STRIP1: variants seen among roughly 807,000 people sequenced by gnomAD.
STRIP1 encodes the protein striatin-interacting protein 1.
In STRIP1, 63 loss-of-function variants were observed where a neutral mutation model predicts 106.2. That is an observed-to-expected ratio of 0.59 (90% CI 0.48 to 0.73). The LOEUF is 0.73. STRIP1 is among the 30% of genes least tolerant of loss of function. The pLI, the probability that STRIP1 is intolerant of heterozygous loss-of-function variation, is 0.00. For synonymous variants in STRIP1, 390 were observed against 413.0 expected (o/e 0.94, Z 0.67); for missense variants, 857 against 1,074.8 (o/e 0.80, Z 2.83).
At chr1:110,043,588 TG>T in intron 9 of STRIP1, 50 bp from the exon 10 acceptor site, 1 of 1,517,080 alleles carries the variant, frequency 6.6e-7, no homozygotes, top group Non-Finnish European at 9.1e-7. Flanking sequence ...TGCACTTCCC[TG>T]GTCTGCGTCC....
chr1:110,039,074 T>C, intron 3 of STRIP1, 98 bp from the exon 4 acceptor site: 2 of 1,388,790 alleles, frequency 1.4e-6, no homozygotes, highest in Non-Finnish European at 2.0e-6. Flanking sequence ...CTTATCTTTC[T>C]GGTCCTATGG....
chr1:110,045,304 A>G (rs986470962), intron 12 of STRIP1: 5 of 499,978 alleles, frequency 1.0e-5, no homozygotes, highest in Non-Finnish European at 1.8e-5. Context: ...CTGACTGGGA[A>G]GTCTTTAAAG....
chr1:110,037,994 G>GT, intron 2 of STRIP1, 34 bp downstream of exon 2: 1 of 1,450,650 alleles, frequency 6.9e-7, no homozygotes, highest in Non-Finnish European at 9.6e-7. Context: ...TTTGGGGGTG[G>GT]TTTTTTCCTT....
In STRIP1 at chr1:110,043,667, C is replaced by A; in HGVS notation, c.1097C>A (p.Ala366Asp). ...KALIKQDNLDAFNERDPYKAD... is the reference protein window; with the variant it reads ...KALIKQDNLDDFNERDPYKAD... ...CTGATAAAGCAGGACAACCTAGATG[C>A]CTTCAACGAGCGGGATCCCTACAAG... Residue 366 changes from alanine (A) to aspartate (D), a missense_variant, in exon 10 of 21, where the codon GCC becomes GAC. By Grantham distance (126) the Ala-to-Asp change is moderately radical. Coordinates refer to ENST00000369795, the MANE Select transcript of STRIP1 (RefSeq NM_033088.4). The A allele has an allele frequency of 6.2e-7, 1 of 1,613,988 alleles. No individual in the cohort carries two copies. Among genetic ancestry groups the A allele is most frequent in the East Asian group, 2.2e-5 (1 of 44,892 alleles).
chr1:110,034,240 T>C (rs982651343), upstream of STRIP1, among the ~76,000 whole-genome samples: 6 of 152,202 alleles, frequency 3.9e-5, 1 homozygote, highest in East Asian at 9.6e-4. Flanking sequence ...AATGAATGAA[T>C]GACAAGCACT....
rs1308469751 is a variant in STRIP1, at chr1:110,039,555, G to A, written c.581+40G>A. 11 of 1,569,552 alleles carry A rather than the reference G, an allele frequency of 7.0e-6. No homozygotes were observed. In the South Asian group the frequency reaches 1.1e-4, roughly 15 times the overall value. Reference sequence around the variant, plus strand: ...GAGGCTGAGTAGGGAAGGGGAGGCTGGGATGGGAAGGGGGACAGAGCTTGC... The same window carrying A: ...GAGGCTGAGTAGGGAAGGGGAGGCTAGGATGGGAAGGGGGACAGAGCTTGC... On this transcript the variant is annotated intron_variant, in intron 5 of 20. Transcript: ENST00000369795.
rs769394430 is a variant in STRIP1 at position 110,041,583 on chromosome 1, A to G, written c.698A>G (p.Glu233Gly). 8.7e-6 allele frequency: 14 copies of G among 1,614,054 alleles called. No individual in the cohort carries two copies. In the East Asian group the frequency reaches 3.1e-4, roughly 36 times the overall value. ...MYLIVETVHQ[E>G]CEGDKAEWRT... ...CTGATAGTGGAGACCGTTCATCAGG[A>G]GTGTGAGGGTGACAAGGCTGAGTGG... Residue 233 changes from glutamate to glycine, a missense_variant, in exon 7 of 21, where the codon GAG (glutamate) becomes GGG (glycine). Around this residue, in one of 2 missense-constraint regions of STRIP1, gnomAD observed 750 missense variants for 989.8 expected, o/e 0.76. Transcript: ENST00000369795.
chr1:110,049,426 C>CTTT (rs529172763), intron 16 of STRIP1, 34 bp from the exon 17 acceptor site: 296 of 1,319,700 alleles, frequency 2.2e-4, no homozygotes, highest in South Asian at 5.6e-4. Context: ...AGGGCCGCGC[C>CTTT]TTTTTTTTTT....
chr1:110,036,682 T>A (rs1365099724), intron 1 of STRIP1, among the ~76,000 whole-genome samples: 1 of 152,202 alleles, frequency 6.6e-6, no homozygotes, highest in Non-Finnish European at 1.5e-5. Context: ...TAATTTTGAT[T>A]AGTCCTTAAA....
At chr1:110,047,097 C>T (rs966237324) in intron 13 of STRIP1, among the ~76,000 whole-genome samples, 3 of 152,126 alleles carry the variant, frequency 2.0e-5, no homozygotes, top group Non-Finnish European at 4.4e-5. Flanking sequence ...CCCAGCTCTT[C>T]CCAGGCATTG....
chr1:110,048,994 G>C (rs1653161419), intron 15 of STRIP1, 118 bp from the exon 16 acceptor site: 4 of 1,197,624 alleles, frequency 3.3e-6, no homozygotes, highest in African/African-American at 1.5e-5. Flanking sequence ...TGTCCTTGGG[G>C]TGAGTGGGGA....
rs567196819 is a variant in STRIP1, at chr1:110,041,494, C to G, written c.651-42C>G. 3.0e-5 allele frequency: 44 copies of G among 1,464,574 alleles called. No homozygotes were observed. In the South Asian group the frequency reaches 4.7e-4, roughly 16 times the overall value. 90.7% of individuals were successfully genotyped at this position (1,464,574 alleles called of 1,614,324 possible). On this transcript the variant is annotated intron_variant, in intron 6 of 20. Transcript: ENST00000369795. ...GTTAGACACTAGGGTGCTCCTTTGACCCCCCCATCCCACTCCATTGTGAGC... is the reference window on the plus strand; with the variant it reads ...GTTAGACACTAGGGTGCTCCTTTGAGCCCCCCATCCCACTCCATTGTGAGC...
chr1:110,052,041 T>C (rs1401326963), intron 20 of STRIP1, among the ~76,000 whole-genome samples, 154 bp downstream of exon 20: 1 of 152,134 alleles, frequency 6.6e-6, no homozygotes, highest in African/African-American at 2.4e-5. Context: ...AGCATCAGGA[T>C]GGGCACTCTA....
At chr1:110,035,072 C>G (rs1652379212) in intron 1 of STRIP1, among the ~76,000 whole-genome samples, 1 of 152,216 alleles carries the variant, frequency 6.6e-6, no homozygotes, top group African/African-American at 2.4e-5. Context: ...TCCCCTGGGC[C>G]CCGACTGTGG....
chr1:110,041,657 A>T lies in STRIP1; in HGVS notation c.757+15A>T. 1 of 1,614,016 alleles carries T rather than the reference A, an allele frequency of 6.2e-7. No individual in the cohort carries two copies. Among genetic ancestry groups the T allele is most frequent in the South Asian group, 1.1e-5 (1 of 91,076 alleles). ...AGCCGAGCTGGGTAGGACCCTGGGG[A>T]TCCTCTCTAGAGGCCCTGCCTGGAA... On this transcript the variant is annotated intron_variant, in intron 7 of 20. Coordinates refer to ENST00000369795, the MANE Select transcript of STRIP1 (RefSeq NM_033088.4).
chr1:110,054,592 T>C lies in STRIP1; in HGVS notation c.*680T>C, dbSNP rs1249071310. The C allele has an allele frequency of 6.6e-6, 1 of 152,502 alleles. No individual in the cohort carries two copies. The highest frequency in any genetic ancestry group is 1.5e-5 in the Non-Finnish European group (1 of 68,042). The allele number at this position is 152,502 out of a possible 1,614,324, so 9.4% of individuals were successfully genotyped here. ...GTGTGTATTCTGTGTCATGTTGGGG[T>C]TTTTAATGTGATTGTGTATTCTGTT... On this transcript the variant is annotated 3_prime_UTR_variant, in exon 21 of 21. Transcript: ENST00000369795.
Position 110,045,226 on chromosome 1 carries a change from C to CA in STRIP1, c.1416+149dup. On this transcript the variant is annotated intron_variant, in intron 12 of 20. Coordinates refer to ENST00000369795, the MANE Select transcript of STRIP1 (RefSeq NM_033088.4). ...GTGGACTTTGCAATAACCTTGCAAA[C>CA]AGTCTTTCGTAAGTTTTGCTTGTTT... 5 of 655,972 alleles carry CA rather than the reference C, an allele frequency of 7.6e-6. No homozygotes were observed. The South Asian group carries it at 9.3e-5, about 12-fold the overall frequency. 40.6% of individuals were successfully genotyped at this position (655,972 alleles called of 1,614,324 possible).
intron 18 of STRIP1, 85 bp from the exon 19 acceptor site, chr1:110,050,871 C>T: frequency 1.2e-6 from 1 of 801,078 alleles, no homozygotes; most frequent in Non-Finnish European, 2.2e-6. Context: ...ACCCGGCTGT[C>T]CTGAGATCAT....
chr1:110,045,131 G>C, intron 12 of STRIP1, 53 bp downstream of exon 12: 1 of 1,540,364 alleles, frequency 6.5e-7, no homozygotes, highest in Non-Finnish European at 9.0e-7. Context: ...TGAGTAGAGT[G>C]AAACCAGCCT....
Sources: gnomAD v4.1 joint callset for allele counts (sites outside exome capture counted in the v4.1 genomes callset) on GRCh38, gnomAD v4.1.1 for gene constraint, gnomAD v4.1.1 regional missense constraint, MANE v1.5 for transcripts, NCBI Gene and HGNC (gene_info 2026-07-23, HGNC 2026-07-21) for gene names.